Variants in MID1 observed in about 807,000 individuals in gnomAD.
The protein encoded by MID1 is midline 1.
MID1 carries 7 observed loss-of-function variants against 40.4 expected under a neutral mutation model. That is an observed-to-expected ratio of 0.17 (90% CI 0.10 to 0.33). The LOEUF (loss-of-function observed/expected upper bound fraction) is 0.33, where lower values mean the gene tolerates loss of function less well. MID1 is among the 10% of genes least tolerant of loss of function. The pLI, the probability that MID1 is intolerant of heterozygous loss-of-function variation, is 1.00. For missense variants in MID1, 367 were observed against 558.5 expected, an observed-to-expected ratio of 0.66 and a Z score of 3.46; for synonymous variants, 229 against 221.2, an observed-to-expected ratio of 1.04 and a Z score of -0.31.
intron 1 of MID1, among the ~76,000 whole-genome samples, chrX:10,657,981 T>C (rs148763481): frequency 2.8e-4 from 31 of 111,739 alleles, no homozygotes; most frequent in African/African-American, 9.1e-4. Flanking sequence ...TATGAGTCTT[T>C]GCTTGTACAT....
chrX:10,691,629 T>C (rs2043131719), intron 1 of MID1, among the ~76,000 whole-genome samples: 1 of 111,958 alleles, frequency 8.9e-6, no homozygotes, highest in Middle Eastern at 4.2e-3. Context: ...AAGACCATTA[T>C]TGTACAAATT....
At chrX:10,471,684 G>A (rs1431843784) in intron 6 of MID1, among the ~76,000 whole-genome samples, 1 of 111,821 alleles carries the variant, frequency 8.9e-6, no homozygotes, top group Non-Finnish European at 1.9e-5. Context: ...TTGTCTGTGT[G>A]GTCCCTGTTG....
intron 1 of MID1, among the ~76,000 whole-genome samples, chrX:10,656,261 A>G (rs184193906): frequency 2.7e-5 from 3 of 111,621 alleles, no homozygotes; most frequent in East Asian, 2.8e-4. Flanking sequence ...TCCAATCTCA[A>G]TGTTGACATT....
chrX:10,625,844 A>G (rs1935989978), intron 1 of MID1, among the ~76,000 whole-genome samples: 1 of 111,784 alleles, frequency 8.9e-6, no homozygotes, highest in Non-Finnish European at 1.9e-5. Context: ...AGATAAGTCA[A>G]TGGGACCCAG....
Position 10,455,011 on chromosome X carries a change from G to C in MID1, c.1514C>G (p.Thr505Arg), listed in dbSNP as rs145973480. 4 of 1,209,395 alleles carry C rather than the reference G, an allele frequency of 3.3e-6. No individual in the cohort carries two copies. The highest frequency in any genetic ancestry group is 4.5e-6 in the Non-Finnish European group (4 of 894,626). ...RKLKVSHDNL[T>R]VERDESSSKK... ...GGATGATGACTCATCACGTTCTACT[G>C]TCAAGTTATCATGGGACACCTTCAG... The change falls in exon 9 of 10, where the codon ACA becomes AGA. Residue 505 changes from threonine to arginine, a missense_variant. Physicochemically the swap from Thr to Arg is moderately conservative, Grantham distance 71. Around this residue, in one of 3 missense-constraint regions of MID1, gnomAD observed 275 missense variants for 383.1 expected, o/e 0.72. Transcript: ENST00000317552.
In MID1 at chrX:10,681,623, T is replaced by C. The variant is rs755196015; in HGVS notation, c.-186-61204A>G. On this transcript the variant is annotated intron_variant, in intron 1 of 10. Coordinates refer to the MID1 transcript ENST00000380785. ...AATCTCTCTTGGAAATCACATGGTG[T>C]TACTTCTGCTGGACTGAGGCAGTCA... 2.7e-5 allele frequency among the ~76,000 whole-genome samples: 3 copies of C among 111,548 alleles called. No homozygotes were observed. In the South Asian group the frequency reaches 1.2e-3, roughly 44 times the overall value.
intron 1 of MID1, among the ~76,000 whole-genome samples, chrX:10,686,982 G>C (rs761805575): frequency 9.0e-6 from 1 of 111,622 alleles, no homozygotes; most frequent in African/African-American, 3.3e-5. Context: ...CCCATTCCAG[G>C]AGTGAGATAG....
rs138766617 is a variant in MID1 at position 10,610,046 on chromosome X, T to C, written c.-57+10244A>G. Among the ~76,000 whole-genome samples, 15 of 112,138 alleles carry C rather than the reference T, an allele frequency of 1.3e-4. No homozygotes were observed. The East Asian group carries it at 4.2e-3, about 31-fold the overall frequency. On this transcript the variant is annotated intron_variant, in intron 1 of 9. Transcript: ENST00000317552. ...TTTTTGTTTTTCTAAACAGAGGATA[T>C]GAGCAGACATTGCACAAGAAATGCA...
intron 2 of MID1, among the ~76,000 whole-genome samples, chrX:10,563,871 T>G (rs1186274396): frequency 1.8e-5 from 2 of 112,559 alleles, no homozygotes; most frequent in East Asian, 5.5e-4. Context: ...AAAATGATAT[T>G]CTGATTTTTT....
chrX:10,682,341 TC>T (rs1346771801), intron 1 of MID1, among the ~76,000 whole-genome samples: 1 of 106,513 alleles, frequency 9.4e-6, no homozygotes, highest in Non-Finnish European at 1.9e-5. Flanking sequence ...TTTCTTTTTA[TC>T]TTTTTTTTTT....
chrX:10,588,140 G>A lies in MID1; in HGVS notation c.-56-20537C>T, dbSNP rs1000917097. On this transcript the variant is annotated intron_variant, in intron 1 of 9. Coordinates refer to ENST00000317552, the MANE Select transcript of MID1 (RefSeq NM_000381.4). ...CTTTACAATTAACGTCTCAAAACTC[G>A]CTTAAACTTTCAAAACAATAATTTT... is the stretch of plus-strand genomic sequence containing the variant. Among the ~76,000 whole-genome samples the A allele has an allele frequency of 9.7e-4, 108 of 111,902 alleles. 1 individual carries two copies. In the Admixed American group the frequency reaches 0.01, roughly 10 times the overall value.
chrX:10,749,622 A>G (rs59649661), intron 1 of MID1, among the ~76,000 whole-genome samples: 2,698 of 112,078 alleles, frequency 0.024, 97 homozygotes, highest in African/African-American at 0.083. Flanking sequence ...CTGTACAGAA[A>G]GCATGGTGCC....
intron 1 of MID1, among the ~76,000 whole-genome samples, chrX:10,747,065 C>G (rs1278387953): frequency 9.0e-6 from 1 of 110,837 alleles, no homozygotes; most frequent in Admixed American, 9.6e-5. Context: ...ACAGCCAACG[C>G]TGTTGATACC....
chrX:10,701,925 T>C (rs147297891), intron 1 of MID1, among the ~76,000 whole-genome samples: 2,180 of 112,700 alleles, frequency 0.019, 50 homozygotes, highest in African/African-American at 0.067. Context: ...TAAATAACAT[T>C]GACCACAAGA....
chrX:10,604,217 A>G (rs1365371223), intron 1 of MID1, among the ~76,000 whole-genome samples: 1 of 111,791 alleles, frequency 8.9e-6, no homozygotes, highest in Non-Finnish European at 1.9e-5. Context: ...TGAAATATAT[A>G]TATTTCAAAA....
intron 1 of MID1, among the ~76,000 whole-genome samples, chrX:10,575,601 C>A (rs1934850257): frequency 9.0e-6 from 1 of 111,445 alleles, no homozygotes; most frequent in African/African-American, 3.3e-5. Context: ...CGAATAAAGA[C>A]ACTACCCAAA....
chrX:10,811,132 C>A (rs1309765655), intron 1 of MID1, among the ~76,000 whole-genome samples: 1 of 111,645 alleles, frequency 9.0e-6, no homozygotes, highest in East Asian at 2.8e-4. Context: ...ACAACAATGT[C>A]ATCATCTTTT....
chrX:10,469,247 T>C (rs1454672853), intron 7 of MID1: 1 of 621,096 alleles, frequency 1.6e-6, no homozygotes, highest in African/African-American at 2.4e-5. Context: ...AATTTTTGTA[T>C]TTTTTTTGTA....
intron 1 of MID1, among the ~76,000 whole-genome samples, chrX:10,804,686 T>C (rs1312325372): frequency 1.8e-5 from 2 of 111,326 alleles, no homozygotes; most frequent in East Asian, 5.7e-4. Flanking sequence ...TAATCTTTTA[T>C]TATGCTTGTG....
Sources: allele counts gnomAD v4.1 joint callset (sites outside exome capture counted in the v4.1 genomes callset), GRCh38; gene constraint gnomAD v4.1.1; regional missense constraint gnomAD v4.1.1; transcripts MANE v1.5; gene names NCBI Gene and HGNC (gene_info 2026-07-23, HGNC 2026-07-21).